The following ST3GAL2 variants were observed in gnomAD, a reference collection of about 807,000 sequenced individuals.
The protein encoded by ST3GAL2 is CMP-N-acetylneuraminate-beta-galactosamide-alpha-2,3-sialyltransferase 2.
In ST3GAL2, 16 loss-of-function variants were observed where a neutral mutation model predicts 37.5. The observed-to-expected ratio is 0.43, with a 90% confidence interval of 0.29 to 0.65. The LOEUF (loss-of-function observed/expected upper bound fraction) is 0.65. Among genes scored for constraint, ST3GAL2 ranks in the 30% least tolerant of loss-of-function variants. The probability of loss-of-function intolerance (pLI) is 0.17; values close to 1 mark genes in which losing one functional copy is unlikely to be tolerated. For synonymous variants in ST3GAL2, 238 were observed against 202.9 expected (o/e 1.17, Z -1.47); for missense variants, 383 against 487.8 (o/e 0.79, Z 2.02).
rs767183092 is a variant in ST3GAL2 at position 70,383,207 on chromosome 16, G to A, written c.742C>T (p.Arg248Ter). ...FTYAPVKSFL[R>*]VDKEKVQIYN... ...GAGCTTACCTTTTCTTTATCCACTC[G>A]AAGGAAGGACTTCACTGGGGCGTAG... is the stretch of plus-strand genomic sequence containing the variant. Residue 248 changes from arginine (R) to a stop codon, truncating the protein, a stop_gained, in exon 5 of 7, where the codon CGA becomes TGA. Coordinates refer to ENST00000342907, the MANE Select transcript of ST3GAL2 (RefSeq NM_006927.4). LOFTEE classifies it high-confidence loss of function. 3 of 1,611,124 alleles carry A rather than the reference G, an allele frequency of 1.9e-6. No homozygotes were observed. Among genetic ancestry groups the A allele is most frequent in the Middle Eastern group, 1.7e-4 (1 of 6,046 alleles).
At chr16:70,435,582 G>C (rs1009970046) in intron 1 of ST3GAL2, among the ~76,000 whole-genome samples, 2 of 151,750 alleles carry the variant, frequency 1.3e-5, no homozygotes, top group African/African-American at 4.8e-5. Flanking sequence ...TGGGCAACAA[G>C]AGTGAAACTC....
chr16:70,383,220 C>T lies in ST3GAL2; in HGVS notation c.729G>A (p.Val243=). ...CTTTATCCACTCGAAGGAAGGACTT[C>T]ACTGGGGCGTAGGTGCTGTAAGCAA... ...TGQIRFTYAP[V]KSFLRVDKEK... is the part of the protein sequence containing the mutation. Residue 243 remains valine, a synonymous_variant, in exon 5 of 7, where the codon GTG becomes GTA. Coordinates refer to ENST00000342907, the MANE Select transcript of ST3GAL2 (RefSeq NM_006927.4). 1.9e-6 allele frequency: 3 copies of T among 1,608,200 alleles called. No homozygotes were observed. Among genetic ancestry groups the T allele is most frequent in the Non-Finnish European group, 2.5e-6 (3 of 1,178,608 alleles).
intron 1 of ST3GAL2, among the ~76,000 whole-genome samples, chr16:70,410,708 G>C (rs2047631870): frequency 6.6e-6 from 1 of 150,826 alleles, no homozygotes; most frequent in African/African-American, 2.4e-5. Context: ...ATTTGGTGTG[G>C]CTTAACAATA....
chr16:70,408,967 C>G (rs2047615792), intron 1 of ST3GAL2, among the ~76,000 whole-genome samples: 1 of 130,048 alleles, frequency 7.7e-6, no homozygotes. Flanking sequence ...GAGGAGGAAG[C>G]TGGGCCCTGA....
chr16:70,395,802 T>G (rs1365712971), intron 2 of ST3GAL2, among the ~76,000 whole-genome samples: 1 of 151,348 alleles, frequency 6.6e-6, no homozygotes, highest in Non-Finnish European at 1.5e-5. Context: ...CACACAGGAG[T>G]GACATGGCAG....
In ST3GAL2 at chr16:70,395,036, T is replaced by A. The variant is rs1420360394; in HGVS notation, c.479A>T (p.Asn160Ile). The A allele has an allele frequency of 6.2e-7, 1 of 1,613,766 alleles. No individual in the cohort carries two copies. Among genetic ancestry groups the A allele is most frequent in the African/African-American group, 1.3e-5 (1 of 74,914 alleles). ...RRCAVVGNSG[N>I]LRGSGYGQDV... ...CTGCCCATAGCCAGAGCCCCGCAGG[T>A]TGCCCGAGTTCCCCACCACGGCACA... is the stretch of plus-strand genomic sequence containing the variant. The change falls in exon 3 of 7, where the codon AAC (asparagine) becomes ATC (isoleucine). Residue 160 changes from asparagine to isoleucine, a missense_variant. Asn to Ile is a moderately radical substitution (Grantham distance 149). This residue lies in a region of ST3GAL2 where 223 missense variants were observed against 239.1 expected (regional missense o/e 0.93). Transcript: ENST00000342907.
chr16:70,422,809 C>A (rs1453619190), intron 1 of ST3GAL2: 1 of 152,204 alleles, frequency 6.6e-6, no homozygotes. Flanking sequence ...GCTCAAAGCC[C>A]AAAGCACGCT....
rs776850376 is a variant in ST3GAL2, at chr16:70,381,697, C to T, written c.1045G>A (p.Gly349Ser). The change falls in exon 7 of 7, where the codon GGC becomes AGC. Residue 349 changes from glycine (G) to serine (S), a missense_variant. By Grantham distance (56) the Gly-to-Ser change is moderately conservative. This residue lies in a region of ST3GAL2 where 160 missense variants were observed against 248.6 expected (regional missense o/e 0.64). Transcript: ENST00000342907. ...TCGCGGCGAGGCCCGGCTCAGTTGC[C>T]CCGGTAGACTTCGATCTTGCTGGCC... ...AKASKIEVYR[G>S]N 1.9e-6 allele frequency: 3 copies of T among 1,613,642 alleles called. No individual in the cohort carries two copies. Among genetic ancestry groups the T allele is most frequent in the Admixed American group, 3.3e-5 (2 of 60,014 alleles).
At chr16:70,411,767 G>A (rs189896079) in intron 1 of ST3GAL2, among the ~76,000 whole-genome samples, 1 of 152,288 alleles carries the variant, frequency 6.6e-6, no homozygotes, top group Non-Finnish European at 1.5e-5. Context: ...GGCTGAGGCA[G>A]GCGGATCACC....
intron 1 of ST3GAL2, among the ~76,000 whole-genome samples, chr16:70,429,241 A>G (rs2047771614): frequency 6.6e-6 from 1 of 151,928 alleles, no homozygotes; most frequent in Non-Finnish European, 1.5e-5. Context: ...CCCCAGTACT[A>G]CCTCCCCACT....
At chr16:70,407,815 A>C (rs1022785254) in intron 1 of ST3GAL2, among the ~76,000 whole-genome samples, 1 of 152,242 alleles carries the variant, frequency 6.6e-6, no homozygotes, top group Non-Finnish European at 1.5e-5. Flanking sequence ...TCTCGGTCAG[A>C]TCCCAGGAGA....
intron 1 of ST3GAL2, among the ~76,000 whole-genome samples, chr16:70,436,955 A>G (rs1451917233): frequency 1.3e-5 from 2 of 152,022 alleles, no homozygotes; most frequent in Non-Finnish European, 2.9e-5. Flanking sequence ...ATGAAAAGAC[A>G]TGGAAAAACC....
At chr16:70,425,987 G>A (rs1409372745) in intron 1 of ST3GAL2, among the ~76,000 whole-genome samples, 1 of 152,120 alleles carries the variant, frequency 6.6e-6, no homozygotes, top group Non-Finnish European at 1.5e-5. Flanking sequence ...AGTAAACACT[G>A]CCCACCATCA....
chr16:70,417,027 A>C (rs1329797405), intron 1 of ST3GAL2, among the ~76,000 whole-genome samples: 3 of 152,228 alleles, frequency 2.0e-5, no homozygotes, highest in Non-Finnish European at 4.4e-5. Context: ...GTGCGTAGAA[A>C]AACTTGGATT....
intron 1 of ST3GAL2, among the ~76,000 whole-genome samples, chr16:70,432,032 G>A (rs2151681454): frequency 6.6e-6 from 1 of 151,044 alleles, no homozygotes; most frequent in East Asian, 1.9e-4. Flanking sequence ...ACCTGTAGTT[G>A]CTGCAGCTAC....
intron 4 of ST3GAL2, among the ~76,000 whole-genome samples, chr16:70,387,958 C>A (rs1239485893): frequency 6.6e-6 from 1 of 151,694 alleles, no homozygotes; most frequent in Non-Finnish European, 1.5e-5. Context: ...TACTAAAATA[C>A]AAAATTAGCC....
In ST3GAL2 at chr16:70,381,570, G is replaced by A. The variant is rs2047405040; in HGVS notation, c.*119C>T. On this transcript the variant is annotated 3_prime_UTR_variant, in exon 7 of 7. Transcript: ENST00000342907. ...CCGGTCCCCCAGTCTCGTGATTGGCGGGGCACAGCAGACGCCCCTGGGCTG... is the reference window on the plus strand; with the variant it reads ...CCGGTCCCCCAGTCTCGTGATTGGCAGGGCACAGCAGACGCCCCTGGGCTG... The A allele has an allele frequency of 4.8e-6, 6 of 1,251,614 alleles. No individual in the cohort carries two copies. The highest frequency in any genetic ancestry group is 5.1e-5 in the East Asian group (2 of 38,978). 77.5% of individuals were successfully genotyped at this position (1,251,614 alleles called of 1,614,324 possible). A position where few individuals can be genotyped will look rare whatever the true frequency, so the allele number is the denominator to read the frequency against.
rs968827887 is a variant in ST3GAL2 at position 70,398,968 on chromosome 16, C to T, written c.-438G>A. On this transcript the variant is annotated 5_prime_UTR_variant, in exon 2 of 7. Transcript: ENST00000342907. ...TGTGGTTCATGAGCAGACAATGAGGCGGCCCCTCGTTCCCGGCAGCGGGGA... is the reference window on the plus strand; with the variant it reads ...TGTGGTTCATGAGCAGACAATGAGGTGGCCCCTCGTTCCCGGCAGCGGGGA... 9.7e-6 allele frequency: 4 copies of T among 412,420 alleles called. No homozygotes were observed. The highest frequency in any genetic ancestry group is 4.0e-5 in the Admixed American group (1 of 25,110). 25.5% of individuals were successfully genotyped at this position (412,420 alleles called of 1,614,324 possible).
At chr16:70,408,326 G>A (rs1311709255) in intron 1 of ST3GAL2, among the ~76,000 whole-genome samples, 1 of 151,864 alleles carries the variant, frequency 6.6e-6, no homozygotes, top group Admixed American at 6.6e-5. Context: ...CCAGATCCCT[G>A]CCAGCCTAGC....
Sources: gnomAD v4.1 joint callset for allele counts (sites outside exome capture counted in the v4.1 genomes callset) on GRCh38, gnomAD v4.1.1 for gene constraint, gnomAD v4.1.1 regional missense constraint, MANE v1.5 for transcripts, NCBI Gene and HGNC (gene_info 2026-07-23, HGNC 2026-07-21) for gene names.